The following RBMS1 variants were observed in gnomAD, a reference collection of about 807,000 sequenced individuals.
RBMS1 encodes the protein RNA binding motif single stranded interacting protein 1.
A neutral mutation model predicts 62.3 loss-of-function variants in RBMS1; 17 were observed. The ratio of observed to expected loss-of-function variants is 0.27; its 90% CI spans 0.19 to 0.41. The LOEUF is 0.41. RBMS1 is among the 10% of genes least tolerant of loss of function. The pLI, the probability that RBMS1 is intolerant of heterozygous loss-of-function variation, is 1.00. For missense variants in RBMS1, 334 were observed against 504.5 expected, an observed-to-expected ratio of 0.66 and a Z score of 3.24; for synonymous variants, 172 against 170.0, an observed-to-expected ratio of 1.01 and a Z score of -0.09.
At chr2:160,321,629 T>G (rs1001010509) in intron 2 of RBMS1, among the ~76,000 whole-genome samples, 2 of 152,160 alleles carry the variant, frequency 1.3e-5, no homozygotes, top group Non-Finnish European at 2.9e-5. Context: ...TTTCTAAATC[T>G]CATCTTCAAT....
At chr2:160,473,126 T>C (rs1684988681) in intron 1 of RBMS1, among the ~76,000 whole-genome samples, 1 of 152,212 alleles carries the variant, frequency 6.6e-6, no homozygotes, top group African/African-American at 2.4e-5. Context: ...CTCTTTAGGA[T>C]TGTATACATT....
At chr2:160,281,078 G>A (rs377580016) in intron 10 of RBMS1, among the ~76,000 whole-genome samples, 1 of 152,194 alleles carries the variant, frequency 6.6e-6, no homozygotes, top group African/African-American at 2.4e-5. Context: ...TAAGAAAATG[G>A]TGCCCTGCCT....
intron 1 of RBMS1, among the ~76,000 whole-genome samples, chr2:160,376,326 T>G (rs750461067): frequency 6.6e-6 from 1 of 152,232 alleles, no homozygotes; most frequent in Non-Finnish European, 1.5e-5. Context: ...GGTTTCACAA[T>G]TTAGCCCCTA....
intron 10 of RBMS1, among the ~76,000 whole-genome samples, chr2:160,280,372 A>G (rs1311603374): frequency 6.6e-6 from 1 of 152,142 alleles, no homozygotes; most frequent in African/African-American, 2.4e-5. Flanking sequence ...CATCACCTAA[A>G]CATGTTTTAT....
Position 160,493,184 on chromosome 2 carries a change from C to G in RBMS1, c.75+105G>C, listed in dbSNP as rs1020537433. On this transcript the variant is annotated intron_variant, in intron 1 of 13. Coordinates refer to ENST00000348849, the MANE Select transcript of RBMS1 (RefSeq NM_016836.4). ...TTAGCAACCTTCCAGCAACTCCGCC[C>G]GGCGGTGGCGGGGGTTCGCCGCGCG... The G allele has an allele frequency of 6.2e-6, 7 of 1,126,950 alleles. No homozygotes were observed. In the Admixed American group the frequency reaches 8.8e-5, roughly 14 times the overall value. The allele number at this position is 1,126,950 out of a possible 1,614,324, so 69.8% of individuals were successfully genotyped here.
At chr2:160,479,345 G>A (rs1353173628) in intron 1 of RBMS1, among the ~76,000 whole-genome samples, 2 of 152,208 alleles carry the variant, frequency 1.3e-5, no homozygotes, top group Admixed American at 1.3e-4. Flanking sequence ...TGAGAGCAAG[G>A]CAGAATCAGC....
intron 2 of RBMS1, among the ~76,000 whole-genome samples, chr2:160,324,137 G>A (rs886717501): frequency 2.6e-5 from 4 of 152,194 alleles, no homozygotes; most frequent in African/African-American, 9.6e-5. Context: ...AGAAAAGTAG[G>A]TTGAAAAATT....
At chr2:160,411,964 TA>T (rs935623397) in intron 1 of RBMS1, among the ~76,000 whole-genome samples, 10 of 152,324 alleles carry the variant, frequency 6.6e-5, no homozygotes, top group African/African-American at 1.7e-4. Context: ...AACGAAAGTC[TA>T]AAAAAAGGTC....
chr2:160,297,785 G>A (rs143798790), intron 6 of RBMS1, among the ~76,000 whole-genome samples: 4 of 152,330 alleles, frequency 2.6e-5, no homozygotes, highest in African/African-American at 4.8e-5. Flanking sequence ...GATGCAGCAC[G>A]CTGTGTTGGG....
chr2:160,328,888 C>T (rs1691099916), intron 2 of RBMS1, among the ~76,000 whole-genome samples: 1 of 152,076 alleles, frequency 6.6e-6, no homozygotes, highest in Non-Finnish European at 1.5e-5. Flanking sequence ...TCACTGAAAA[C>T]CATAAATGAC....
intron 4 of RBMS1, among the ~76,000 whole-genome samples, chr2:160,304,610 G>A (rs1689398536): frequency 6.6e-6 from 1 of 152,144 alleles, no homozygotes; most frequent in South Asian, 2.1e-4. Flanking sequence ...TCCTGACACT[G>A]TGTAGCCCTG....
chr2:160,466,316 G>A (rs1211738613), intron 1 of RBMS1, among the ~76,000 whole-genome samples: 3 of 151,976 alleles, frequency 2.0e-5, no homozygotes, highest in African/African-American at 7.3e-5. Flanking sequence ...ATATATTCTA[G>A]AGATTCCTCT....
chr2:160,277,214 C>T lies in RBMS1; in HGVS notation c.1143+89G>A, dbSNP rs148868041. 3.3e-4 allele frequency: 396 copies of T among 1,190,834 alleles called. 1 individual carries two copies. In the African/African-American group the frequency reaches 5.1e-3, roughly 15 times the overall value. The allele number at this position is 1,190,834 out of a possible 1,614,324, so 73.8% of individuals were successfully genotyped here. On this transcript the variant is annotated intron_variant, in intron 12 of 13. Coordinates refer to ENST00000348849, the MANE Select transcript of RBMS1 (RefSeq NM_016836.4). The stretch of plus-strand genomic sequence containing the variant: ...CGCAATTCTTTATGCAAATATTTGA[C>T]GTCTGGTAGATTTTTCTGAGTTCTA...
intron 1 of RBMS1, among the ~76,000 whole-genome samples, chr2:160,451,643 C>G (rs1382754461): frequency 6.6e-6 from 1 of 152,008 alleles, no homozygotes; most frequent in African/African-American, 2.4e-5. Flanking sequence ...GAGTCTTGCT[C>G]TGTCAGTCAG....
intron 4 of RBMS1, among the ~76,000 whole-genome samples, chr2:160,312,280 G>C (rs1285210450): frequency 6.6e-6 from 1 of 152,046 alleles, no homozygotes; most frequent in Non-Finnish European, 1.5e-5. Context: ...CAAAGAGAAG[G>C]ACACAATGAC....
At chr2:160,311,210 A>AATCTCTCTCTCTC in intron 4 of RBMS1, among the ~76,000 whole-genome samples, 1 of 56,612 alleles carries the variant, frequency 1.8e-5, no homozygotes, top group South Asian at 5.9e-4. Context: ...AAAAAAAAAA[A>AATCTCTCTCTCTC]TCTATCTATC....
chr2:160,312,332 T>G (rs147964753), intron 4 of RBMS1, among the ~76,000 whole-genome samples: 2 of 152,258 alleles, frequency 1.3e-5, no homozygotes, highest in Non-Finnish European at 2.9e-5. Flanking sequence ...TGTGATATTC[T>G]AAGTCAAAAC....
At chr2:160,346,415 G>C (rs1692176573) in intron 2 of RBMS1, among the ~76,000 whole-genome samples, 1 of 152,006 alleles carries the variant, frequency 6.6e-6, no homozygotes, top group African/African-American at 2.4e-5. Flanking sequence ...GAGGGATTTT[G>C]TTTATCAAAA....
chr2:160,364,634 T>G (rs1693303442), intron 2 of RBMS1, among the ~76,000 whole-genome samples: 1 of 152,236 alleles, frequency 6.6e-6, no homozygotes, highest in Non-Finnish European at 1.5e-5. Context: ...CCTCTAACAT[T>G]ACAGCATCTC....
Sources: gnomAD v4.1 joint callset for allele counts (sites outside exome capture counted in the v4.1 genomes callset) on GRCh38, gnomAD v4.1.1 for gene constraint, MANE v1.5 for transcripts, NCBI Gene and HGNC (gene_info 2026-07-23, HGNC 2026-07-21) for gene names.